KCNMA1: variants seen among roughly 807,000 people sequenced by gnomAD.
KCNMA1 encodes the protein potassium calcium-activated channel subfamily M alpha 1, also known as Calcium-activated potassium channel subunit alpha-1.
In KCNMA1, 29 loss-of-function variants were observed where a neutral mutation model predicts 140.0. The observed-to-expected ratio is 0.21, with a 90% CI of 0.15 to 0.28. KCNMA1 has a LOEUF of 0.28. KCNMA1 is among the 10% of genes least tolerant of loss of function. The probability of loss-of-function intolerance (pLI) is 1.00; values close to 1 mark genes in which losing one functional copy is unlikely to be tolerated. For missense variants in KCNMA1, 880 were observed against 1,602.2 expected (o/e 0.55, Z 7.70); for synonymous variants, 612 against 611.9 (o/e 1.00, Z 0.00).
At chr10:77,061,690 A>C (rs970301482) in intron 14 of KCNMA1, among the ~76,000 whole-genome samples, 13 of 152,200 alleles carry the variant, frequency 8.5e-5, no homozygotes, top group Non-Finnish European at 1.5e-5. Flanking sequence ...TTATATCCAC[A>C]CAAACTTCCA....
intron 25 of KCNMA1, among the ~76,000 whole-genome samples, chr10:76,909,204 T>A (rs2049035290): frequency 6.6e-6 from 1 of 152,134 alleles, no homozygotes; most frequent in Non-Finnish European, 1.5e-5. Flanking sequence ...CTTCTGCTCA[T>A]GCTCAATCTT....
chr10:77,424,226 G>A (rs1220993228), intron 1 of KCNMA1, among the ~76,000 whole-genome samples: 1 of 152,254 alleles, frequency 6.6e-6, no homozygotes, highest in Non-Finnish European at 1.5e-5. Context: ...GCAGATTTGT[G>A]AGGATTCTGA....
chr10:77,252,565 G>A (rs1468942210), intron 2 of KCNMA1, among the ~76,000 whole-genome samples: 2 of 151,538 alleles, frequency 1.3e-5, no homozygotes, highest in Middle Eastern at 3.2e-3. Flanking sequence ...GTGCGGGCAC[G>A]TGTGCCTGTG....
intron 5 of KCNMA1, among the ~76,000 whole-genome samples, chr10:77,136,284 T>A (rs2098025165): frequency 6.6e-6 from 1 of 152,228 alleles, no homozygotes; most frequent in South Asian, 2.1e-4. Context: ...CTGATACATC[T>A]TCTTTATAGG....
chr10:76,953,757 T>A (rs1387956628), intron 21 of KCNMA1, 44 bp downstream of exon 21: 2 of 1,613,572 alleles, frequency 1.2e-6, no homozygotes, highest in African/African-American at 2.7e-5. Context: ...AAATGTGGTT[T>A]GGGGCAGAAG....
intron 23 of KCNMA1, among the ~76,000 whole-genome samples, chr10:76,937,125 A>T (rs1235418199): frequency 6.6e-6 from 1 of 152,228 alleles, no homozygotes; most frequent in Non-Finnish European, 1.5e-5. Flanking sequence ...AGTCAGGGAT[A>T]GGAGGCTCGC....
intron 1 of KCNMA1, among the ~76,000 whole-genome samples, chr10:77,445,948 A>C (rs2097521833): frequency 6.6e-6 from 1 of 152,196 alleles, no homozygotes; most frequent in Admixed American, 6.5e-5. Flanking sequence ...TTTCGGCCAA[A>C]AGGCAGTGTG....
At chr10:77,001,691 T>C in intron 18 of KCNMA1, 111 bp from the exon 19 acceptor site, 1 of 831,242 alleles carries the variant, frequency 1.2e-6, no homozygotes, top group South Asian at 1.8e-5. Context: ...AGGTCTTAGT[T>C]CACTTTAACA....
At chr10:77,366,777 A>G (rs2094393362) in intron 2 of KCNMA1, among the ~76,000 whole-genome samples, 1 of 152,204 alleles carries the variant, frequency 6.6e-6, no homozygotes, top group Non-Finnish European at 1.5e-5. Flanking sequence ...TGGGCAGCAC[A>G]GATTGTGGAG....
chr10:77,558,892 C>T (rs558985045), intron 1 of KCNMA1, among the ~76,000 whole-genome samples: 13 of 152,358 alleles, frequency 8.5e-5, no homozygotes, highest in African/African-American at 2.9e-4. Flanking sequence ...CCAAACAATG[C>T]CTCTTTCTAA....
Position 77,334,425 on chromosome 10 carries a change from C to G in KCNMA1, c.540+69437G>C, listed in dbSNP as rs146327408. 4.6e-5 allele frequency among the ~76,000 whole-genome samples: 7 copies of G among 152,262 alleles called. No individual in the cohort carries two copies. In the East Asian group the frequency reaches 1.3e-3, roughly 29 times the overall value. ...CTTGGTCTTAAAAATGTAACCATTC[C>G]ACCTTGCACTGTTTTCTTACAAAAA... is the stretch of plus-strand genomic sequence containing the variant. On this transcript the variant is annotated intron_variant, in intron 2 of 27. Transcript: ENST00000286628.
intron 9 of KCNMA1, among the ~76,000 whole-genome samples, chr10:77,107,273 T>C (rs1469516143): frequency 6.6e-6 from 1 of 152,138 alleles, no homozygotes; most frequent in Non-Finnish European, 1.5e-5. Context: ...ACAAAACAGT[T>C]CCATGATAGG....
intron 1 of KCNMA1, among the ~76,000 whole-genome samples, chr10:77,585,007 C>A (rs879077741): frequency 1.3e-5 from 2 of 152,222 alleles, no homozygotes; most frequent in Admixed American, 1.3e-4. Flanking sequence ...TTCTCTGACC[C>A]CAGAACAACC....
At chr10:77,324,955 C>CTGTGTGTG (rs1262999462) in intron 2 of KCNMA1, among the ~76,000 whole-genome samples, 8 of 104,116 alleles carry the variant, frequency 7.7e-5, no homozygotes, top group African/African-American at 2.0e-4. Flanking sequence ...CTCTCTCTCT[C>CTGTGTGTG]TCTCTCTCTC....
chr10:76,879,607 T>C (rs1212121014), intron 29 of KCNMA1, among the ~76,000 whole-genome samples: 2 of 151,752 alleles, frequency 1.3e-5, no homozygotes, highest in Non-Finnish European at 2.9e-5. Context: ...TTCAATTCCA[T>C]AGATCTTTTA....
chr10:76,962,215 G>T lies in KCNMA1; in HGVS notation c.2360+7759C>A, dbSNP rs1467520245. ...ATCCCAGTTCCTTCGGTGGCACTGG[G>T]TTCAACGCTGGACTTCAGAAATTTA... On this transcript the variant is annotated intron_variant, in intron 20 of 27. Coordinates refer to ENST00000286628, the MANE Select transcript of KCNMA1 (RefSeq NM_001161352.2). 2.0e-5 allele frequency among the ~76,000 whole-genome samples: 3 copies of T among 152,178 alleles called. No individual in the cohort carries two copies. The East Asian group carries it at 5.8e-4, about 29-fold the overall frequency.
At chr10:77,182,608 A>G (rs1052870951) in intron 5 of KCNMA1, among the ~76,000 whole-genome samples, 10 of 152,162 alleles carry the variant, frequency 6.6e-5, no homozygotes, top group African/African-American at 2.4e-4. Context: ...ATTACTTTTT[A>G]AATAATTAAG....
intron 1 of KCNMA1, among the ~76,000 whole-genome samples, chr10:77,494,449 T>C (rs1359529358): frequency 1.3e-5 from 2 of 152,202 alleles, no homozygotes; most frequent in Non-Finnish European, 2.9e-5. Flanking sequence ...CTGCAGGGGC[T>C]GGACAAACGG....
At chr10:77,284,731 C>T (rs190210952) in intron 2 of KCNMA1, among the ~76,000 whole-genome samples, 31 of 152,176 alleles carry the variant, frequency 2.0e-4, no homozygotes, top group African/African-American at 6.5e-4. Flanking sequence ...CCAGGCTGGT[C>T]GTGAACTCCT....
Sources: gnomAD v4.1 joint callset for allele counts (sites outside exome capture counted in the v4.1 genomes callset) on GRCh38, gnomAD v4.1.1 for gene constraint, MANE v1.5 for transcripts, NCBI Gene and HGNC (gene_info 2026-07-23, HGNC 2026-07-21) for gene names.